ZNF609: variants seen among roughly 807,000 people sequenced by gnomAD.
ZNF609 encodes zinc finger protein 609.
Under a neutral mutation model 109.5 loss-of-function variants are expected in ZNF609, and 11 were observed. The observed-to-expected ratio is 0.10, with a 90% CI of 0.06 to 0.17. ZNF609 has a LOEUF of 0.17. Among genes scored for constraint, ZNF609 ranks in the 10% least tolerant of loss-of-function variants. The pLI is 1.00. For missense variants in ZNF609, 1,559 were observed against 1,772.4 expected (o/e 0.88, Z 2.16); for synonymous variants, 646 against 662.0 (o/e 0.98, Z 0.37).
intron 1 of ZNF609, among the ~76,000 whole-genome samples, chr15:64,483,613 T>C (rs1596379493): frequency 1.3e-5 from 2 of 152,184 alleles, no homozygotes; most frequent in Admixed American, 6.5e-5. Context: ...CTTGAACTCC[T>C]GAGCTCAGAT....
chr15:64,468,254 CTTTCCTTTCT>C (rs1893042824), intron 1 of ZNF609, among the ~76,000 whole-genome samples: 1 of 149,648 alleles, frequency 6.7e-6, no homozygotes, highest in African/African-American at 2.5e-5. Context: ...CTTTCCTTTC[CTTTCCTTTCT>C]TTTCTTTTCT....
intron 2 of ZNF609, among the ~76,000 whole-genome samples, chr15:64,536,323 A>C (rs1236953576): frequency 6.6e-6 from 1 of 152,096 alleles, no homozygotes; most frequent in Non-Finnish European, 1.5e-5. Context: ...TGCCCAGCCT[A>C]TGGCATGATT....
intron 3 of ZNF609, chr15:64,631,215 C>T: frequency 1.6e-6 from 1 of 630,702 alleles, no homozygotes; most frequent in Non-Finnish European, 3.0e-6. Flanking sequence ...CAGGTGAACC[C>T]AGATGCCTTT....
chr15:64,636,662 CT>C lies in ZNF609; in HGVS notation c.973+13611del, dbSNP rs1418552642. ...TCCTTAGAATTATACAGAAAATCTC[CT>C]GGAATGAAGTATGGAGAAAGAGTAG... On this transcript the variant is annotated intron_variant, in intron 3 of 9. Coordinates refer to ENST00000326648, the MANE Select transcript of ZNF609 (RefSeq NM_015042.2). Among the ~76,000 whole-genome samples, 4 of 152,262 alleles carry C rather than the reference CT, an allele frequency of 2.6e-5. No individual in the cohort carries two copies. In the East Asian group the frequency reaches 7.7e-4, roughly 29 times the overall value.
intron 2 of ZNF609, among the ~76,000 whole-genome samples, chr15:64,609,571 A>C (rs1311148037): frequency 6.6e-6 from 1 of 151,560 alleles, no homozygotes; most frequent in East Asian, 2.0e-4. Context: ...TGGGCTCCCA[A>C]AGTGCTGGGA....
chr15:64,622,185 A>G (rs971012826), intron 2 of ZNF609, among the ~76,000 whole-genome samples: 2 of 152,194 alleles, frequency 1.3e-5, no homozygotes, highest in African/African-American at 2.4e-5. Flanking sequence ...CCACTGTTAC[A>G]TGTTACAGTT....
chr15:64,520,055 C>CAA (rs1358453453), intron 2 of ZNF609, among the ~76,000 whole-genome samples: 1 of 152,164 alleles, frequency 6.6e-6, no homozygotes, highest in African/African-American at 2.4e-5. Flanking sequence ...CATCTGTGAT[C>CAA]ATTTATGCTC....
intron 2 of ZNF609, among the ~76,000 whole-genome samples, chr15:64,615,116 CTGTTTTGTTT>C (rs768182504): frequency 6.8e-5 from 10 of 148,142 alleles, no homozygotes; most frequent in East Asian, 4.1e-4. Context: ...CAGGCCTGGC[CTGTTTTGTTT>C]TGTTTTGTTT....
rs111611816 is a variant in ZNF609, at chr15:64,529,267, C to T, written c.747+29101C>T. 1,691 of 713,392 alleles carry T rather than the reference C, an allele frequency of 2.4e-3. 13 individuals carry two copies. Among genetic ancestry groups the T allele is most frequent in the African/African-American group, 0.02 (1,152 of 58,148 alleles). The allele number at this position is 713,392 out of a possible 1,614,324, so 44.2% of individuals were successfully genotyped here. A position where few individuals can be genotyped will look rare whatever the true frequency, so the allele number is the denominator to read the frequency against. On this transcript the variant is annotated intron_variant, in intron 2 of 9. Transcript: ENST00000326648. ...CTGTTGTCATACTTCTCATGGTTCA[C>T]GCCCATCACAAACATGGGGGCATCA... is the stretch of plus-strand genomic sequence containing the variant.
At position 64,677,612 on chromosome 15, in the gene ZNF609, G is replaced by A. The variant is rs564314988; in HGVS notation, c.3403-504G>A. Among the ~76,000 whole-genome samples the A allele has an allele frequency of 8.5e-5, 13 of 152,290 alleles. No individual in the cohort carries two copies. In the South Asian group the frequency reaches 2.7e-3, roughly 32 times the overall value. On this transcript the variant is annotated intron_variant, in intron 5 of 9. Coordinates refer to ENST00000326648, the MANE Select transcript of ZNF609 (RefSeq NM_015042.2). ...TTCTTTAACAAGGATTTTATAGGTT[G>A]AGTTAGAACTAGGAACTTGGAATCT... is the stretch of plus-strand genomic sequence containing the variant.
At chr15:64,672,617 TC>T (rs1896749848) in intron 4 of ZNF609, among the ~76,000 whole-genome samples, 1 of 123,714 alleles carries the variant, frequency 8.1e-6, no homozygotes, top group Non-Finnish European at 1.7e-5. Context: ...AGAGCAACAC[TC>T]CATCTCAAAA....
intron 2 of ZNF609, among the ~76,000 whole-genome samples, chr15:64,532,756 T>C (rs982847339): frequency 1.3e-5 from 2 of 152,232 alleles, no homozygotes; most frequent in African/African-American, 2.4e-5. Flanking sequence ...TGTTTCCTTA[T>C]AGGCTTACCA....
chr15:64,651,915 A>G (rs139436791), intron 3 of ZNF609, among the ~76,000 whole-genome samples: 3 of 151,998 alleles, frequency 2.0e-5, no homozygotes, highest in African/African-American at 7.2e-5. Context: ...TACCTCTCTC[A>G]CTATCTCATT....
At chr15:64,490,868 C>T (rs1893403536) in intron 1 of ZNF609, among the ~76,000 whole-genome samples, 1 of 152,116 alleles carries the variant, frequency 6.6e-6, no homozygotes, top group Non-Finnish European at 1.5e-5. Context: ...ACAGGTCAAG[C>T]CTTGTAATCT....
chr15:64,535,297 GC>G (rs1894122935), intron 2 of ZNF609, among the ~76,000 whole-genome samples: 1 of 152,052 alleles, frequency 6.6e-6, no homozygotes, highest in Non-Finnish European at 1.5e-5. Context: ...TGATTATCCT[GC>G]CTCTACCTCT....
chr15:64,488,402 C>CA (rs1369601302), intron 1 of ZNF609, among the ~76,000 whole-genome samples: 1 of 152,174 alleles, frequency 6.6e-6, no homozygotes, highest in Non-Finnish European at 1.5e-5. Flanking sequence ...GTAAACCAAA[C>CA]ACTGGTTCTT....
intron 3 of ZNF609, among the ~76,000 whole-genome samples, chr15:64,656,124 C>T (rs1467895310): frequency 1.3e-5 from 2 of 151,942 alleles, no homozygotes; most frequent in African/African-American, 2.4e-5. Context: ...AGTGCAATGG[C>T]GCGATCTTGG....
intron 2 of ZNF609, among the ~76,000 whole-genome samples, chr15:64,506,723 GAAA>G (rs5813307): frequency 6.8e-6 from 1 of 146,292 alleles, no homozygotes; most frequent in Non-Finnish European, 1.5e-5. Flanking sequence ...TCTGTCTCAA[GAAA>G]AAAAAAAAAG....
At chr15:64,468,836 T>A (rs1027484353) in intron 1 of ZNF609, among the ~76,000 whole-genome samples, 1 of 152,096 alleles carries the variant, frequency 6.6e-6, no homozygotes, top group Admixed American at 6.5e-5. Context: ...CATGCCCCTG[T>A]TTTCATGTGC....
Sources: allele counts gnomAD v4.1 joint callset (sites outside exome capture counted in the v4.1 genomes callset), GRCh38; gene constraint gnomAD v4.1.1; transcripts MANE v1.5; gene names NCBI Gene and HGNC (gene_info 2026-07-23, HGNC 2026-07-21).